Variants in RIMS2 observed in about 807,000 individuals in gnomAD.
RIMS2 encodes the protein regulating synaptic membrane exocytosis 2.
A neutral mutation model predicts 174.4 loss-of-function variants in RIMS2; 59 were observed. The observed-to-expected ratio is 0.34, with a 90% CI of 0.27 to 0.42. RIMS2 has a LOEUF of 0.42. Ranked by LOEUF, RIMS2 falls within the 10% of genes least tolerant of loss-of-function variation. The probability of loss-of-function intolerance (pLI) is 1.00; values close to 1 mark genes in which losing one functional copy is unlikely to be tolerated. For synonymous variants in RIMS2, 606 were observed against 572.5 expected (o/e 1.06, Z -0.84); for missense variants, 1,620 against 1,666.3 (o/e 0.97, Z 0.48).
intron 1 of RIMS2, among the ~76,000 whole-genome samples, chr8:103,617,977 C>A (rs1589133615): frequency 6.6e-6 from 1 of 152,150 alleles, no homozygotes; most frequent in East Asian, 1.9e-4. Context: ...GCAGAAATAC[C>A]ATTTGACCCA....
rs548867521 is a variant in RIMS2, at chr8:103,645,769, G to C, written c.177-51317G>C. Among the ~76,000 whole-genome samples the C allele has an allele frequency of 2.6e-5, 4 of 152,066 alleles. No individual in the cohort carries two copies. In the South Asian group the frequency reaches 8.3e-4, roughly 32 times the overall value. ...AGTCTCCCTTAATTTCCCGAATATT[G>C]TGAAACCAGTACACACTAATAGGTC... On this transcript the variant is annotated intron_variant, in intron 1 of 23. Coordinates refer to ENST00000504942, the Ensembl canonical transcript of RIMS2.
rs560099803 is a variant in RIMS2, at chr8:103,640,096, A to G, written c.177-56990A>G. On this transcript the variant is annotated intron_variant, in intron 1 of 23. Transcript: ENST00000504942. Reference sequence around the variant, plus strand: ...GTATGATTCAATTTTTAAAATAGACATAGACCTCTCCTTTTGTAAGCATTG... The same window carrying G: ...GTATGATTCAATTTTTAAAATAGACGTAGACCTCTCCTTTTGTAAGCATTG... Among the ~76,000 whole-genome samples, 32 of 152,060 alleles carry G rather than the reference A, an allele frequency of 2.1e-4. No homozygotes were observed. In the South Asian group the frequency reaches 4.4e-3, roughly 21 times the overall value.
intron 19 of RIMS2, among the ~76,000 whole-genome samples, chr8:104,053,325 A>G (rs1164938936): frequency 6.6e-6 from 1 of 152,204 alleles, no homozygotes; most frequent in South Asian, 2.1e-4. Context: ...ATGAACCCAG[A>G]TGCTCAAGTT....
chr8:103,942,925 A>G lies in RIMS2; in HGVS notation c.2700A>G (p.Gln900=), dbSNP rs200894680. Reference sequence around the variant, plus strand: ...GAGAGAGCCCAACACGGAGGTTGCAAAGTAAGTTTTACTAAAATTCTTTCA... The same window carrying G: ...GAGAGAGCCCAACACGGAGGTTGCAGAGTAAGTTTTACTAAAATTCTTTCA... Residue 900 remains glutamine (Q), a splice_region_variant and synonymous_variant, in exon 14 of 24, where the codon CAA becomes CAG. Transcript: ENST00000504942. The G allele has an allele frequency of 1.2e-5, 20 of 1,601,670 alleles. No individual in the cohort carries two copies. In the East Asian group the frequency reaches 4.5e-4, roughly 36 times the overall value.
chr8:103,756,979 C>CTGTG (rs71575983), intron 2 of RIMS2, among the ~76,000 whole-genome samples: 2,887 of 134,824 alleles, frequency 0.021, 44 homozygotes, highest in East Asian at 0.047. Context: ...GTGTGTGTGT[C>CTGTG]TGTGTGTGTG....
intron 3 of RIMS2, chr8:103,768,811 C>T (rs974391544): frequency 1.8e-5 from 12 of 671,634 alleles, no homozygotes; most frequent in Middle Eastern, 7.1e-4. Context: ...CAAAATTCAG[C>T]GTCTTATTAC....
chr8:103,730,412 C>T (rs553855239), intron 2 of RIMS2, among the ~76,000 whole-genome samples: 2 of 152,132 alleles, frequency 1.3e-5, no homozygotes, highest in Admixed American at 1.3e-4. Flanking sequence ...TAATTACCTT[C>T]TTTGTCTCTT....
At chr8:103,927,518 T>C (rs2079005903) in intron 10 of RIMS2, among the ~76,000 whole-genome samples, 1 of 151,524 alleles carries the variant, frequency 6.6e-6, no homozygotes, top group Non-Finnish European at 1.5e-5. Flanking sequence ...GATTCTTGGG[T>C]TATGCTTATA....
chr8:104,052,812 G>A (rs1460854458), intron 19 of RIMS2, among the ~76,000 whole-genome samples: 1 of 151,976 alleles, frequency 6.6e-6, no homozygotes, highest in South Asian at 2.1e-4. Context: ...AGCATTGATG[G>A]GACATTGAAG....
intron 2 of RIMS2, among the ~76,000 whole-genome samples, chr8:103,759,564 C>CAAAAAAAA (rs35946104): frequency 5.7e-5 from 4 of 70,024 alleles, no homozygotes; most frequent in Non-Finnish European, 1.1e-4. Context: ...GACTCCGTCT[C>CAAAAAAAA]AAAAAAAAAA....
At chr8:103,616,922 G>A (rs1396703548) in intron 1 of RIMS2, among the ~76,000 whole-genome samples, 2 of 151,986 alleles carry the variant, frequency 1.3e-5, no homozygotes, top group South Asian at 2.1e-4. Context: ...AGGAAGAATC[G>A]GTATCATTAA....
At position 103,787,810 on chromosome 8, in the gene RIMS2, G is replaced by A. The variant is rs1219737971; in HGVS notation, c.698+21273G>A. On this transcript the variant is annotated intron_variant, in intron 3 of 23. Coordinates refer to ENST00000504942, the Ensembl canonical transcript of RIMS2. ...TTCTCTGTATTTCCTGAATCTGAAC[G>A]TTGGCCTGCCTTGCTAGATCGGGGA... Among the ~76,000 whole-genome samples, 8 of 151,346 alleles carry A rather than the reference G, an allele frequency of 5.3e-5. No individual in the cohort carries two copies. In the East Asian group the frequency reaches 5.8e-4, roughly 11 times the overall value.
At chr8:104,032,961 TATA>T (rs1312629959) in intron 19 of RIMS2, among the ~76,000 whole-genome samples, 1 of 151,904 alleles carries the variant, frequency 6.6e-6, no homozygotes, top group South Asian at 2.1e-4. Context: ...TAAATATAAT[TATA>T]ATAATGATTA....
At chr8:104,155,947 A>G (rs1353049537) in intron 19 of RIMS2, among the ~76,000 whole-genome samples, 3 of 152,166 alleles carry the variant, frequency 2.0e-5, no homozygotes, top group East Asian at 1.9e-4. Flanking sequence ...TACATCTACT[A>G]TTATTAACAA....
At chr8:104,098,741 G>A (rs1173996585) in intron 19 of RIMS2, among the ~76,000 whole-genome samples, 2 of 152,080 alleles carry the variant, frequency 1.3e-5, no homozygotes, top group East Asian at 1.9e-4. Flanking sequence ...AGAAGGACAA[G>A]CAGAATAATT....
At chr8:103,976,573 G>A (rs1202122010) in intron 16 of RIMS2, 3 of 98,558 alleles carry the variant, frequency 3.0e-5, no homozygotes, top group Non-Finnish European at 4.4e-5. Context: ...TTTTGAGACA[G>A]AGTCCTGCTC....
At chr8:103,671,857 TA>T (rs2096748505) in intron 1 of RIMS2, among the ~76,000 whole-genome samples, 2 of 152,170 alleles carry the variant, frequency 1.3e-5, no homozygotes, top group African/African-American at 4.8e-5. Flanking sequence ...TCAAAGAGGG[TA>T]AAACATTTCT....
intron 4 of RIMS2, among the ~76,000 whole-genome samples, chr8:103,894,058 C>T (rs2099263420): frequency 6.6e-6 from 1 of 152,058 alleles, no homozygotes; most frequent in South Asian, 2.1e-4. Context: ...TATCAACTCA[C>T]AGGAAAGCAA....
At chr8:103,768,440 G>A (rs888180595) in intron 3 of RIMS2, 5 of 767,098 alleles carry the variant, frequency 6.5e-6, no homozygotes, top group Non-Finnish European at 1.2e-5. Context: ...CCTAATCAGT[G>A]GTGGGAATGA....
Sources: gnomAD v4.1 joint callset for allele counts (sites outside exome capture counted in the v4.1 genomes callset) on GRCh38, gnomAD v4.1.1 for gene constraint, MANE v1.5 for transcripts, NCBI Gene and HGNC (gene_info 2026-07-23, HGNC 2026-07-21) for gene names.